The following HEATR1 variants were observed in gnomAD, a reference collection of about 807,000 sequenced individuals.
HEATR1 encodes the protein HEAT repeat containing 1.
A neutral mutation model predicts 248.2 loss-of-function variants in HEATR1; 77 were observed. The observed-to-expected ratio is 0.31, with a 90% CI of 0.26 to 0.37. The LOEUF is 0.37. Among genes scored for constraint, HEATR1 ranks in the 10% least tolerant of loss-of-function variants. HEATR1 has a pLI of 1.00. For missense variants in HEATR1, 2,420 were observed against 2,504.9 expected, an observed-to-expected ratio of 0.97 and a Z score of 0.72; for synonymous variants, 897 against 923.1, an observed-to-expected ratio of 0.97 and a Z score of 0.51.
intron 28 of HEATR1, among the ~76,000 whole-genome samples, 171 bp from the exon 29 acceptor site, chr1:236,569,295 C>T (rs901690804): frequency 8.5e-5 from 13 of 152,136 alleles, no homozygotes; most frequent in Non-Finnish European, 1.9e-4. Flanking sequence ...TCCACCTCAG[C>T]CTCCTGAGTA....
chr1:236,596,805 A>G, intron 6 of HEATR1, 31 bp downstream of exon 6: 2 of 1,555,774 alleles, frequency 1.3e-6, no homozygotes, highest in Non-Finnish European at 1.7e-6. Context: ...TAAGTACAAA[A>G]TAATCTACTT....
chr1:236,559,144 A>G lies in HEATR1; in HGVS notation c.4771-9T>C. ...GGCAGCAAGGCATTGACCTAAAGAG[A>G]AATTTTATATTTAACATGAAAAGAA... On this transcript the variant is annotated splice_polypyrimidine_tract_variant and intron_variant, in intron 34 of 44. Coordinates refer to ENST00000366582, the MANE Select transcript of HEATR1 (RefSeq NM_018072.6). 6.5e-7 allele frequency: 1 copy of G among 1,544,084 alleles called. No individual in the cohort carries two copies. The highest frequency in any genetic ancestry group is 8.7e-7 in the Non-Finnish European group (1 of 1,151,296).
At position 236,558,444 on chromosome 1, in the gene HEATR1, T is replaced by C; in HGVS notation, c.4997A>G (p.Asn1666Ser). The change falls in exon 36 of 45, where the codon AAC becomes AGC. Residue 1666 changes from asparagine to serine, a missense_variant. Physicochemically the swap from Asn to Ser is conservative, Grantham distance 46. Coordinates refer to ENST00000366582, the MANE Select transcript of HEATR1 (RefSeq NM_018072.6). ...TAAGGTATACAACGCTGTCTGTCTGTTGATTGCTTGTTCTTCTTCCCCTTC... is the reference window on the plus strand; with the variant it reads ...TAAGGTATACAACGCTGTCTGTCTGCTGATTGCTTGTTCTTCTTCCCCTTC... ...KKEGEEEQAI[N>S]RQTALYTLKL... 1 of 1,614,242 alleles carries C rather than the reference T, an allele frequency of 6.2e-7. No individual in the cohort carries two copies. The highest frequency in any genetic ancestry group is 1.1e-5 in the South Asian group (1 of 91,088).
At position 236,594,118 on chromosome 1, in the gene HEATR1, A is replaced by T; in HGVS notation, c.1091-4T>A. The T allele has an allele frequency of 1.3e-6, 2 of 1,530,404 alleles. No homozygotes were observed. The highest frequency in any genetic ancestry group is 1.8e-6 in the Non-Finnish European group (2 of 1,125,998). The allele number at this position is 1,530,404 out of a possible 1,614,324, so 94.8% of individuals were successfully genotyped here. ...TCCATTCCTTCAGTTTCTTCTCCTT[A>T]ATATGTAAAAATTAAAATTGTGTTG... On this transcript the variant is annotated splice_polypyrimidine_tract_variant and splice_region_variant and intron_variant, in intron 8 of 44. Coordinates refer to ENST00000366582, the MANE Select transcript of HEATR1 (RefSeq NM_018072.6).
At position 236,573,700 on chromosome 1, in the gene HEATR1, T is replaced by C. The variant is rs535740139; in HGVS notation, c.3459+502A>G. 5.3e-4 allele frequency among the ~76,000 whole-genome samples: 80 copies of C among 152,236 alleles called. 1 individual carries two copies. In the South Asian group the frequency reaches 0.016, roughly 31 times the overall value. Reference sequence around the variant, plus strand: ...ATTAATATGTTAAAATTCTGAGAACTGCTGAATCTAGATACTAGAACTTTG... The same window carrying C: ...ATTAATATGTTAAAATTCTGAGAACCGCTGAATCTAGATACTAGAACTTTG... On this transcript the variant is annotated intron_variant, in intron 24 of 44. Transcript: ENST00000366582.
intron 22 of HEATR1, 102 bp downstream of exon 22, chr1:236,576,117 G>C: frequency 1.2e-6 from 1 of 832,128 alleles, no homozygotes; most frequent in Non-Finnish European, 1.8e-6. Context: ...TCTTCTGAGC[G>C]CACACATGCA....
intron 12 of HEATR1, among the ~76,000 whole-genome samples, chr1:236,590,298 G>A (rs1450164800): frequency 2.6e-5 from 4 of 152,068 alleles, no homozygotes; most frequent in Non-Finnish European, 5.9e-5. Context: ...CGTGATCATG[G>A]CTCGCTGCAG....
chr1:236,555,643 C>T lies in HEATR1; in HGVS notation c.5662G>A (p.Glu1888Lys), dbSNP rs1662948202. 1.2e-6 allele frequency: 2 copies of T among 1,614,220 alleles called. No individual in the cohort carries two copies. The highest frequency in any genetic ancestry group is 2.2e-5 in the South Asian group (2 of 91,082). Reference sequence around the variant, plus strand: ...ATACAATTTTCCGTTTTTCCAACTTCCTCCAGATCGTTCTGAAAACAGAAG... The same window carrying T: ...ATACAATTTTCCGTTTTTCCAACTTTCTCCAGATCGTTCTGAAAACAGAAG... ...RAQHSENDLE[E>K]VGKTENCIID... The change falls in exon 40 of 45, where the codon GAA becomes AAA. Residue 1888 changes from glutamate to lysine, a missense_variant. Physicochemically the swap from Glu to Lys is moderately conservative, Grantham distance 56. Coordinates refer to ENST00000366582, the MANE Select transcript of HEATR1 (RefSeq NM_018072.6).
intron 41 of HEATR1, 61 bp downstream of exon 41, chr1:236,555,235 C>T (rs1421255215): frequency 1.3e-6 from 2 of 1,548,086 alleles, no homozygotes; most frequent in African/African-American, 1.4e-5. Flanking sequence ...TTGTGTCTTA[C>T]TGGTACCTTG....
chr1:236,564,760 G>A, intron 31 of HEATR1, 99 bp from the exon 32 acceptor site: 1 of 1,129,482 alleles, frequency 8.9e-7, no homozygotes, highest in South Asian at 1.7e-5. Context: ...CAATTAACGG[G>A]ATAACATTTT....
intron 38 of HEATR1, 28 bp downstream of exon 38, chr1:236,556,072 A>G (rs1385495541): frequency 1.9e-6 from 3 of 1,613,616 alleles, no homozygotes; most frequent in Non-Finnish European, 2.5e-6. Flanking sequence ...TCCCTTCTCC[A>G]AAGTCTTAAT....
intron 36 of HEATR1, among the ~76,000 whole-genome samples, chr1:236,557,675 C>G (rs1663014318): frequency 1.3e-5 from 2 of 152,184 alleles, no homozygotes; most frequent in South Asian, 4.1e-4. Context: ...TTATAGACAG[C>G]AAAGCTCTAA....
At chr1:236,586,896 G>T (rs989001015) in intron 14 of HEATR1, among the ~76,000 whole-genome samples, 1 of 151,780 alleles carries the variant, frequency 6.6e-6, no homozygotes, top group African/African-American at 2.4e-5. Flanking sequence ...CTACCCATAC[G>T]ATAGATACAA....
chr1:236,581,344 G>A lies in HEATR1; in HGVS notation c.2633C>T (p.Ser878Leu). ...TTTCACACTGCAGTTTAGTGGATTTGAAAGGCTAGAACCATAGGTCCATAA... is the reference window on the plus strand; with the variant it reads ...TTTCACACTGCAGTTTAGTGGATTTAAAAGGCTAGAACCATAGGTCCATAA... ...SVLWTYGSSLSNPLNCSVKTV... is the reference protein window; with the variant it reads ...SVLWTYGSSLLNPLNCSVKTV... The change falls in exon 20 of 45, where the codon TCA becomes TTA. Residue 878 changes from serine (S) to leucine (L), a missense_variant. Coordinates refer to ENST00000366582, the MANE Select transcript of HEATR1 (RefSeq NM_018072.6). 6.2e-7 allele frequency: 1 copy of A among 1,610,996 alleles called. No individual in the cohort carries two copies.
At chr1:236,576,072 A>G (rs1663554576) in intron 22 of HEATR1, 147 bp downstream of exon 22, 2 of 508,422 alleles carry the variant, frequency 3.9e-6, no homozygotes, top group Non-Finnish European at 3.3e-6. Flanking sequence ...CTCTACCTCA[A>G]CTCATCCCCC....
chr1:236,593,579 T>TAAAAAA (rs1558191427), intron 9 of HEATR1, among the ~76,000 whole-genome samples: 1 of 94,812 alleles, frequency 1.1e-5, no homozygotes, highest in African/African-American at 4.4e-5. Flanking sequence ...AGTTGCCCAT[T>TAAAAAA]AAGAGAAAAA....
Position 236,595,950 on chromosome 1 carries a change from T to C in HEATR1, c.839A>G (p.Asn280Ser). 1 of 1,613,688 alleles carries C rather than the reference T, an allele frequency of 6.2e-7. No homozygotes were observed. Among genetic ancestry groups the C allele is most frequent in the Admixed American group, 1.7e-5 (1 of 60,024 alleles). ...VKVTMENTFV[N>S]SLASQIIKTL... ...TTTGATGATCTGTGATGCCAATGAA[T>C]TCACAAAGGTATTTTCCATGGTCAC... The change falls in exon 7 of 45, where the codon AAT becomes AGT. Residue 280 changes from asparagine to serine, a missense_variant. By Grantham distance (46) the Asn-to-Ser change is conservative. Transcript: ENST00000366582.
rs770867943 is a variant in HEATR1 at position 236,581,192 on chromosome 1, G to T, written c.2755+30C>A. On this transcript the variant is annotated intron_variant, in intron 20 of 44. Coordinates refer to ENST00000366582, the MANE Select transcript of HEATR1 (RefSeq NM_018072.6). ...AGAGAAAGCATGAACAGTTGGTCAT[G>T]ACAAAACATAACAATGCTACTTTTA... 3.2e-6 allele frequency: 5 copies of T among 1,558,524 alleles called. No homozygotes were observed. The East Asian group carries it at 1.1e-4, about 35-fold the overall frequency.
Position 236,568,791 on chromosome 1 carries a change from T to C in HEATR1, c.4077+205A>G, listed in dbSNP as rs138912449. 6.3e-4 allele frequency among the ~76,000 whole-genome samples: 96 copies of C among 151,766 alleles called. 1 individual carries two copies. Among genetic ancestry groups the C allele is most frequent in the African/African-American group, 2.3e-3 (95 of 41,348 alleles). On this transcript the variant is annotated intron_variant, in intron 29 of 44. Transcript: ENST00000366582. Reference sequence around the variant, plus strand: ...TTTGTTTATATTATTGAGAAAGACATTGCCAAGACTGCTTCTTAGCTTCAA... The same window carrying C: ...TTTGTTTATATTATTGAGAAAGACACTGCCAAGACTGCTTCTTAGCTTCAA...
Sources: allele counts gnomAD v4.1 joint callset (sites outside exome capture counted in the v4.1 genomes callset), GRCh38; gene constraint gnomAD v4.1.1; transcripts MANE v1.5; gene names NCBI Gene and HGNC (gene_info 2026-07-23, HGNC 2026-07-21).